NALF1: variants seen among roughly 807,000 people sequenced by gnomAD.
NALF1 encodes the protein family with sequence similarity 155 member A.
Under a neutral mutation model 48.4 loss-of-function variants are expected in NALF1, and 3 were observed. That is an observed-to-expected ratio of 0.06 (90% confidence interval 0.03 to 0.16). The LOEUF (loss-of-function observed/expected upper bound fraction) is 0.16, where lower values mean the gene tolerates loss of function less well. Ranked by LOEUF, NALF1 falls within the 10% of genes least tolerant of loss-of-function variation. NALF1 has a pLI of 1.00. For synonymous variants in NALF1, 262 were observed against 245.7 expected, an observed-to-expected ratio of 1.07 and a Z score of -0.62; for missense variants, 526 against 571.5, an observed-to-expected ratio of 0.92 and a Z score of 0.81.
intron 1 of NALF1, among the ~76,000 whole-genome samples, chr13:107,301,956 C>A (rs1198321751): frequency 2.0e-5 from 3 of 152,154 alleles, no homozygotes; most frequent in South Asian, 2.1e-4. Context: ...TTGTCCCTTT[C>A]AAAACTCATG....
rs1023978901 is a variant in NALF1 at position 107,835,900 on chromosome 13, G to T, written c.915+29782C>A. ...AGATTAATACATTCCCCACAGTCTA[G>T]ATCATCAGGAGAACCAACAAATCTT... On this transcript the variant is annotated intron_variant, in intron 1 of 2. Coordinates refer to ENST00000375915, the MANE Select transcript of NALF1 (RefSeq NM_001080396.3). Among the ~76,000 whole-genome samples the T allele has an allele frequency of 2.0e-5, 3 of 152,120 alleles. No individual in the cohort carries two copies. In the South Asian group the frequency reaches 6.2e-4, roughly 32 times the overall value.
At chr13:107,310,054 T>G (rs1017516194) in intron 1 of NALF1, among the ~76,000 whole-genome samples, 1 of 151,960 alleles carries the variant, frequency 6.6e-6, no homozygotes, top group African/African-American at 2.4e-5. Context: ...TTGGGTTAGG[T>G]TTTATTTGTT....
chr13:107,648,710 T>C (rs950200462), intron 1 of NALF1, among the ~76,000 whole-genome samples: 13 of 152,186 alleles, frequency 8.5e-5, no homozygotes, highest in African/African-American at 2.9e-4. Flanking sequence ...AGAAGACTGA[T>C]TGCTAGTTAA....
intron 1 of NALF1, among the ~76,000 whole-genome samples, chr13:107,340,188 T>C (rs1882642185): frequency 6.6e-6 from 1 of 152,020 alleles, no homozygotes; most frequent in South Asian, 2.1e-4. Flanking sequence ...TTTTTTTTTT[T>C]TTTAGACAGT....
At chr13:107,569,717 T>G (rs1877929976) in intron 1 of NALF1, among the ~76,000 whole-genome samples, 2 of 152,316 alleles carry the variant, frequency 1.3e-5, no homozygotes, top group East Asian at 1.9e-4. Flanking sequence ...TCTTGAATAT[T>G]CTAGAGTCTT....
intron 1 of NALF1, among the ~76,000 whole-genome samples, chr13:107,789,742 T>C (rs1481624693): frequency 6.6e-5 from 10 of 152,196 alleles, no homozygotes; most frequent in Admixed American, 6.5e-4. Context: ...AAATCAGAAC[T>C]GGCACCCAGG....
At chr13:107,569,297 G>A (rs967896451) in intron 1 of NALF1, among the ~76,000 whole-genome samples, 1 of 151,666 alleles carries the variant, frequency 6.6e-6, no homozygotes, top group Admixed American at 6.6e-5. Context: ...GTGAAACCCC[G>A]TCTCTACTAA....
intron 1 of NALF1, among the ~76,000 whole-genome samples, chr13:107,633,991 T>A (rs1475926020): frequency 1.1e-5 from 1 of 92,838 alleles, no homozygotes; most frequent in African/African-American, 2.8e-5. Context: ...ACCAAATTGA[T>A]CTATTTGCTT....
chr13:107,184,038 C>A (rs148279711), intron 2 of NALF1, among the ~76,000 whole-genome samples: 1 of 150,828 alleles, frequency 6.6e-6, no homozygotes, highest in East Asian at 1.9e-4. Context: ...AGTGCAGTGG[C>A]ATGATCATGG....
At chr13:107,262,769 G>GCGCTCGCTCTCT in intron 1 of NALF1, among the ~76,000 whole-genome samples, 1 of 144,122 alleles carries the variant, frequency 6.9e-6, no homozygotes, top group Non-Finnish European at 1.5e-5. Context: ...ACCCACAGGC[G>GCGCTCGCTCTCT]CTCTCTCTCT....
In NALF1 at chr13:107,167,960, C is replaced by T. The variant is rs540345182; in HGVS notation, c.*2537G>A. On this transcript the variant is annotated 3_prime_UTR_variant, in exon 3 of 3. Transcript: ENST00000375915. ...AAAACCTATATTTTAAGGAATACTG[C>T]TTTTCGTCATTTTGCTAAGTGTTTA... is the stretch of plus-strand genomic sequence containing the variant. The T allele has an allele frequency of 2.6e-5, 4 of 152,274 alleles. No individual in the cohort carries two copies. The highest frequency in any genetic ancestry group is 2.6e-4 in the Admixed American group (4 of 15,294). The allele number at this position is 152,274 out of a possible 1,614,324, so 9.4% of individuals were successfully genotyped here. A position where few individuals can be genotyped will look rare whatever the true frequency, so the allele number is the denominator to read the frequency against.
At chr13:107,452,169 G>A (rs999338520) in intron 1 of NALF1, among the ~76,000 whole-genome samples, 6 of 152,218 alleles carry the variant, frequency 3.9e-5, no homozygotes, top group African/African-American at 1.4e-4. Context: ...AGCCCAGGAT[G>A]CCTCAACAAT....
At chr13:107,408,099 C>T (rs1446632936) in intron 1 of NALF1, among the ~76,000 whole-genome samples, 1 of 151,798 alleles carries the variant, frequency 6.6e-6, no homozygotes, top group African/African-American at 2.4e-5. Flanking sequence ...AAGATGGTTA[C>T]CAGAGGCTGG....
At chr13:107,376,495 G>A (rs1883342693) in intron 1 of NALF1, among the ~76,000 whole-genome samples, 1 of 152,146 alleles carries the variant, frequency 6.6e-6, no homozygotes, top group African/African-American at 2.4e-5. Context: ...AACAAATGCT[G>A]AATAAACTCA....
intron 1 of NALF1, among the ~76,000 whole-genome samples, chr13:107,464,688 T>G (rs1016596902): frequency 6.6e-6 from 1 of 151,964 alleles, no homozygotes; most frequent in African/African-American, 2.4e-5. Flanking sequence ...GCCTGGCAAA[T>G]TTTGTATTTT....
chr13:107,597,244 C>T (rs1878779413), intron 1 of NALF1, among the ~76,000 whole-genome samples: 1 of 152,078 alleles, frequency 6.6e-6, no homozygotes, highest in Admixed American at 6.6e-5. Flanking sequence ...TACCTTAATG[C>T]TTTATGGCTT....
At chr13:107,525,554 C>T (rs1263100334) in intron 1 of NALF1, among the ~76,000 whole-genome samples, 1 of 152,046 alleles carries the variant, frequency 6.6e-6, no homozygotes, top group Non-Finnish European at 1.5e-5. Context: ...AGTTTGGGGG[C>T]ATTATAACTT....
At chr13:107,786,737 A>G (rs1019274140) in intron 1 of NALF1, among the ~76,000 whole-genome samples, 1 of 152,146 alleles carries the variant, frequency 6.6e-6, no homozygotes, top group Admixed American at 6.5e-5. Context: ...CATCTCAGAA[A>G]AAAAAAGAGA....
intron 1 of NALF1, among the ~76,000 whole-genome samples, chr13:107,609,635 G>A (rs930143037): frequency 1.4e-4 from 22 of 152,000 alleles, no homozygotes; most frequent in African/African-American, 4.6e-4. Flanking sequence ...AGTGACAGAC[G>A]TGTTGTTTTT....
Sources: allele counts gnomAD v4.1 joint callset (sites outside exome capture counted in the v4.1 genomes callset), GRCh38; gene constraint gnomAD v4.1.1; transcripts MANE v1.5; gene names NCBI Gene and HGNC (gene_info 2026-07-23, HGNC 2026-07-21).